The following ZNF496 variants were observed in gnomAD, a reference collection of about 807,000 sequenced individuals.
ZNF496 encodes the protein NSD1 (nuclear receptor binding SET-domain containing 1)-interacting zinc finger protein 1.
In ZNF496, 11 loss-of-function variants were observed where a neutral mutation model predicts 58.9. The ratio of observed to expected loss-of-function variants is 0.19; its 90% confidence interval spans 0.12 to 0.31. The LOEUF (loss-of-function observed/expected upper bound fraction) is 0.31. ZNF496 is among the 10% of genes least tolerant of loss of function. ZNF496 has a pLI of 1.00. For missense variants in ZNF496, 660 were observed against 783.0 expected, an observed-to-expected ratio of 0.84 and a Z score of 1.88; for synonymous variants, 338 against 318.2, an observed-to-expected ratio of 1.06 and a Z score of -0.66.
rs983513673 is a variant in ZNF496 at position 247,309,162 on chromosome 1, C to T, written c.892+537G>A. 2 of 166,384 alleles carry T rather than the reference C, an allele frequency of 1.2e-5. No individual in the cohort carries two copies. The highest frequency in any genetic ancestry group is 4.8e-5 in the African/African-American group (2 of 41,608). 10.3% of individuals were successfully genotyped at this position (166,384 alleles called of 1,614,324 possible). The stretch of plus-strand genomic sequence containing the variant: ...CTGAAGGAGCAGATGCTTCGAAGCA[C>T]CATGGCATGGAGATCATGGGTGCAA... On this transcript the variant is annotated intron_variant, in intron 8 of 9. Coordinates refer to ENST00000682384, the MANE Select transcript of ZNF496 (RefSeq NM_032752.3). The surrounding 1 kb of genome is among the most constrained non-coding windows in gnomAD (Gnocchi z 4.3).
chr1:247,324,623 T>G (rs965263403), intron 5 of ZNF496, among the ~76,000 whole-genome samples: 1 of 152,000 alleles, frequency 6.6e-6, no homozygotes, highest in Admixed American at 6.6e-5. Context: ...GCCTCCTGAG[T>G]AGCTGGGACT....
chr1:247,330,431 C>T (rs1000087149), intron 2 of ZNF496, among the ~76,000 whole-genome samples: 34 of 152,222 alleles, frequency 2.2e-4, no homozygotes, highest in Admixed American at 2.2e-3. Context: ...AGCCCTTCCT[C>T]GGCCAGGACA....
rs2103020564 is a variant in ZNF496, at chr1:247,309,673, C to T, written c.892+26G>A. ...CAGCAACCCTTCCCCCTACTCTGTC[C>T]ACTCAGTTCTGGAATCATTACTCAC... On this transcript the variant is annotated intron_variant, in intron 8 of 9. Coordinates refer to ENST00000682384, the MANE Select transcript of ZNF496 (RefSeq NM_032752.3). This position sits in a 1 kb window ranked among gnomAD's most constrained non-coding sequence, Gnocchi z 4.3. 6.2e-7 allele frequency: 1 copy of T among 1,613,750 alleles called. No homozygotes were observed. The highest frequency in any genetic ancestry group is 1.7e-5 in the Admixed American group (1 of 59,966).
chr1:247,304,370 A>AT (rs146250749), intron 9 of ZNF496, among the ~76,000 whole-genome samples: 85 of 141,642 alleles, frequency 6.0e-4, no homozygotes, highest in African/African-American at 2.0e-3. Flanking sequence ...GACCTGCTAG[A>AT]TTTTTTTTTT....
At chr1:247,307,965 T>G in intron 9 of ZNF496, 1 of 985,430 alleles carries the variant, frequency 1.0e-6, no homozygotes, top group Non-Finnish European at 1.2e-6. Flanking sequence ...AGCTTCAGTA[T>G]GCCAGAAACC....
intron 2 of ZNF496, 21 bp downstream of exon 2, chr1:247,331,411 C>G (rs1660324502): frequency 6.6e-6 from 1 of 152,172 alleles, no homozygotes; most frequent in African/African-American, 2.4e-5. Context: ...TCTCCCGTCT[C>G]GCCGGCTCCG....
chr1:247,320,115 C>A (rs140797967), intron 6 of ZNF496, among the ~76,000 whole-genome samples: 1,595 of 152,256 alleles, frequency 0.01, 10 homozygotes, highest in Middle Eastern at 0.024. Flanking sequence ...TACTTACCAA[C>A]GATTGCATAC....
In ZNF496 at chr1:247,308,328, A is replaced by G. The variant is rs1449625030; in HGVS notation, c.1006+147T>C. 3 of 752,226 alleles carry G rather than the reference A, an allele frequency of 4.0e-6. No homozygotes were observed. The African/African-American group carries it at 5.3e-5, about 13-fold the overall frequency. 46.6% of individuals were successfully genotyped at this position (752,226 alleles called of 1,614,324 possible). On this transcript the variant is annotated intron_variant, in intron 9 of 9. Transcript: ENST00000682384. The surrounding 1 kb of genome is among the most constrained non-coding windows in gnomAD (Gnocchi z 4.5). The stretch of plus-strand genomic sequence containing the variant: ...CACCCATGAATGCACACACTCACAC[A>G]TGCAGCACACCACATATACCACATG...
rs1358572288 is a variant in ZNF496, at chr1:247,309,706, G to T, written c.885C>A (p.Ser295=). Residue 295 remains serine (S), a synonymous_variant, in exon 8 of 10, where the codon TCC becomes TCA. Transcript: ENST00000682384. The surrounding 1 kb of genome is among the most constrained non-coding windows in gnomAD (Gnocchi z 4.3). ...DLQGKEVPQV[S]YLDSPSLQPF... is the part of the protein sequence containing the mutation. ...TCTGGAATCATTACTCACCCAAGTAGGAGACCTGGGGCACTTCTTTGCCCT... is the reference window on the plus strand; with the variant it reads ...TCTGGAATCATTACTCACCCAAGTATGAGACCTGGGGCACTTCTTTGCCCT... 6.2e-7 allele frequency: 1 copy of T among 1,614,150 alleles called. No homozygotes were observed. The highest frequency in any genetic ancestry group is 1.3e-5 in the African/African-American group (1 of 75,036).
rs767805915 is a variant in ZNF496 at position 247,319,780 on chromosome 1, G to A, written c.651+3374C>T. On this transcript the variant is annotated intron_variant, in intron 6 of 9. Coordinates refer to ENST00000682384, the MANE Select transcript of ZNF496 (RefSeq NM_032752.3). Reference sequence around the variant, plus strand: ...TCTACTAAAAATACAAAAATGAGCCGGGCCTGGTGGTGCGCGCCTGTAGTC... The same window carrying A: ...TCTACTAAAAATACAAAAATGAGCCAGGCCTGGTGGTGCGCGCCTGTAGTC... Among the ~76,000 whole-genome samples, 20 of 152,088 alleles carry A rather than the reference G, an allele frequency of 1.3e-4. 1 individual carries two copies. The highest frequency in any genetic ancestry group is 7.9e-4 in the Admixed American group (12 of 15,258).
rs1659495070 is a variant in ZNF496 at position 247,308,664 on chromosome 1, G to A, written c.893-76C>T. The A allele has an allele frequency of 7.2e-7, 1 of 1,394,274 alleles. No individual in the cohort carries two copies. The highest frequency in any genetic ancestry group is 1.0e-6 in the Non-Finnish European group (1 of 987,622). The allele number at this position is 1,394,274 out of a possible 1,614,324, so 86.4% of individuals were successfully genotyped here. ...TACCTGGGAGGGTGCTATCCGAATAGATGCCAGGCTACGATCTGGGGGCGG... is the reference window on the plus strand; with the variant it reads ...TACCTGGGAGGGTGCTATCCGAATAAATGCCAGGCTACGATCTGGGGGCGG... On this transcript the variant is annotated intron_variant, in intron 8 of 9. Coordinates refer to ENST00000682384, the MANE Select transcript of ZNF496 (RefSeq NM_032752.3). The surrounding 1 kb of genome is among the most constrained non-coding windows in gnomAD (Gnocchi z 4.5).
Position 247,301,253 on chromosome 1 carries a change from C to G in ZNF496, c.1030G>C (p.Glu344Gln), listed in dbSNP as rs774017482. 8 of 1,518,856 alleles carry G rather than the reference C, an allele frequency of 5.3e-6. No homozygotes were observed. Among genetic ancestry groups the G allele is most frequent in the Admixed American group, 2.2e-5 (1 of 45,138 alleles). The allele number at this position is 1,518,856 out of a possible 1,614,324, so 94.1% of individuals were successfully genotyped here. ...GTCACTTCTTCATCCAGGCTGTTCTCTAGAGATCGCGGGTTGCCGCCAGCT... is the reference window on the plus strand; with the variant it reads ...GTCACTTCTTCATCCAGGCTGTTCTGTAGAGATCGCGGGTTGCCGCCAGCT... ...YPAGGNPRSL[E>Q]NSLDEEVTIE... Residue 344 changes from glutamate to glutamine, a missense_variant, in exon 10 of 10, where the codon GAG becomes CAG. Physicochemically the swap from Glu to Gln is conservative, Grantham distance 29. Coordinates refer to ENST00000682384, the MANE Select transcript of ZNF496 (RefSeq NM_032752.3).
chr1:247,314,150 T>C lies in ZNF496; in HGVS notation c.652-3694A>G, dbSNP rs117628570. Among the ~76,000 whole-genome samples the C allele has an allele frequency of 2.4e-3, 364 of 152,254 alleles. 8 individuals are homozygous for C. The East Asian group carries it at 0.066, about 28-fold the overall frequency. On this transcript the variant is annotated intron_variant, in intron 6 of 9. Coordinates refer to ENST00000682384, the MANE Select transcript of ZNF496 (RefSeq NM_032752.3). ...CCACAGCTCACTGCAGCCTCAACCT[T>C]TGGGGCTCAAGCAATCCTCCTGCTC... is the stretch of plus-strand genomic sequence containing the variant.
Position 247,309,501 on chromosome 1 carries a change from TG to T in ZNF496, c.892+197del. 7.1e-7 allele frequency: 1 copy of T among 1,413,812 alleles called. No homozygotes were observed. Among genetic ancestry groups the T allele is most frequent in the South Asian group, 1.6e-5 (1 of 61,124 alleles). 87.6% of individuals were successfully genotyped at this position (1,413,812 alleles called of 1,614,324 possible). ...CTTGGCCAAGGGAGTACAATTCCAA[TG>T]CCTGGCAAAATTAAGATCCTCCATT... On this transcript the variant is annotated intron_variant, in intron 8 of 9. Coordinates refer to ENST00000682384, the MANE Select transcript of ZNF496 (RefSeq NM_032752.3). This position sits in a 1 kb window ranked among gnomAD's most constrained non-coding sequence, Gnocchi z 4.3.
chr1:247,321,846 A>G (rs1234824547), intron 6 of ZNF496, among the ~76,000 whole-genome samples: 3 of 152,236 alleles, frequency 2.0e-5, no homozygotes, highest in Non-Finnish European at 4.4e-5. Context: ...TACACAGCAG[A>G]TGCTGACATG....
chr1:247,329,601 C>G lies in ZNF496; in HGVS notation c.-23G>C. 1.3e-6 allele frequency: 2 copies of G among 1,525,600 alleles called. No homozygotes were observed. Among genetic ancestry groups the G allele is most frequent in the Non-Finnish European group, 1.8e-6 (2 of 1,141,082 alleles). 94.5% of individuals were successfully genotyped at this position (1,525,600 alleles called of 1,614,324 possible). A position where few individuals can be genotyped will look rare whatever the true frequency, so the allele number is the denominator to read the frequency against. Reference sequence around the variant, plus strand: ...CATGATGGGATTTGATGGGGGTCAGCAGCAGAAGACGACCCTATTTCCAAA... The same window carrying G: ...CATGATGGGATTTGATGGGGGTCAGGAGCAGAAGACGACCCTATTTCCAAA... On this transcript the variant is annotated 5_prime_UTR_variant, in exon 4 of 10. Transcript: ENST00000682384. This position sits in a 1 kb window ranked among gnomAD's most constrained non-coding sequence, Gnocchi z 5.5.
rs112311463 is a variant in ZNF496, at chr1:247,328,663, C to T, written c.574+20G>A. 2.6e-5 allele frequency: 40 copies of T among 1,540,542 alleles called. No homozygotes were observed. Among genetic ancestry groups the T allele is most frequent in the South Asian group, 1.3e-5 (1 of 79,480 alleles). On this transcript the variant is annotated intron_variant, in intron 5 of 9. Coordinates refer to ENST00000682384, the MANE Select transcript of ZNF496 (RefSeq NM_032752.3). ...GCACTTCCCCAGATCACCCCTGCTA[C>T]ACTCCCCTGGGCTGCATACCTGGGT...
Position 247,300,913 on chromosome 1 carries a change from T to G in ZNF496, c.1370A>C (p.His457Pro), listed in dbSNP as rs768575656. ...SEDLDGHLES[H>P]EAQKPYRCGA... ...ACACCGGTAAGGCTTCTGGGCCTCG[T>G]GGCTCTCTAGGTGCCCATCCAGGTC... Residue 457 changes from histidine (H) to proline (P), a missense_variant, in exon 10 of 10, where the codon CAC becomes CCC. Transcript: ENST00000682384. This position sits in a 1 kb window ranked among gnomAD's most constrained non-coding sequence, Gnocchi z 5.7. 1 of 1,613,182 alleles carries G rather than the reference T, an allele frequency of 6.2e-7. No homozygotes were observed. Among genetic ancestry groups the G allele is most frequent in the Non-Finnish European group, 8.5e-7 (1 of 1,179,460 alleles).
At chr1:247,301,319 A>G (rs777827542) in intron 9 of ZNF496, 43 bp from the exon 10 acceptor site, 2 of 1,493,998 alleles carry the variant, frequency 1.3e-6, no homozygotes, top group East Asian at 4.6e-5. Context: ...TGCACAGGCC[A>G]CATCCCAGCC....
Sources: allele counts gnomAD v4.1 joint callset (sites outside exome capture counted in the v4.1 genomes callset), GRCh38; gene constraint gnomAD v4.1.1; non-coding constraint Gnocchi (gnomAD v3.1); transcripts MANE v1.5; gene names NCBI Gene and HGNC (gene_info 2026-07-23, HGNC 2026-07-21).